The following NRXN3 variants were observed in gnomAD, a reference collection of about 807,000 sequenced individuals.
NRXN3 encodes neurexin 3.
NRXN3 carries 32 observed loss-of-function variants against 137.6 expected under a neutral mutation model. That is an observed-to-expected ratio of 0.23 (90% CI 0.18 to 0.31). NRXN3 has a LOEUF of 0.31. Ranked by LOEUF, NRXN3 falls within the 10% of genes least tolerant of loss-of-function variation. The pLI is 1.00. For missense variants in NRXN3, 1,574 were observed against 2,062.5 expected (o/e 0.76, Z 4.59); for synonymous variants, 798 against 784.5 (o/e 1.02, Z -0.29).
chr14:78,386,283 A>G (rs1357472923), intron 4 of NRXN3, among the ~76,000 whole-genome samples: 1 of 152,190 alleles, frequency 6.6e-6, no homozygotes, highest in East Asian at 1.9e-4. Context: ...GAGATAGATA[A>G]AGGCAAAGAA....
chr14:78,489,977 C>T (rs953512983), intron 4 of NRXN3, among the ~76,000 whole-genome samples: 1 of 151,404 alleles, frequency 6.6e-6, no homozygotes, highest in African/African-American at 2.4e-5. Context: ...TGCAGTGGCA[C>T]GATCTTGGCT....
chr14:78,795,693 C>G (rs1374487945), intron 8 of NRXN3, among the ~76,000 whole-genome samples: 1 of 152,020 alleles, frequency 6.6e-6, no homozygotes, highest in East Asian at 1.9e-4. Flanking sequence ...TTTTTAATAG[C>G]CAAAAATAGA....
chr14:79,636,725 TTGCATCCACACCGTCCTC>T (rs2098405688), intron 16 of NRXN3, among the ~76,000 whole-genome samples: 1 of 152,114 alleles, frequency 6.6e-6, no homozygotes, highest in South Asian at 2.1e-4. Flanking sequence ...TGGAGGGCAA[TTGCATCCACACCGTCCTC>T]TGCCCATCAC....
intron 3 of NRXN3, among the ~76,000 whole-genome samples, chr14:78,285,959 G>A (rs940550379): frequency 3.3e-5 from 5 of 152,162 alleles, no homozygotes; most frequent in Admixed American, 6.5e-5. Context: ...AGCTGTTCTC[G>A]ATGAGTAAGT....
chr14:79,431,200 GC>G (rs970627450), intron 15 of NRXN3, among the ~76,000 whole-genome samples: 34 of 152,250 alleles, frequency 2.2e-4, no homozygotes, highest in African/African-American at 7.9e-4. Flanking sequence ...TCTAAGAATG[GC>G]AAGTCTGAGA....
chr14:79,069,988 C>G (rs905276260), intron 15 of NRXN3, among the ~76,000 whole-genome samples: 8 of 152,078 alleles, frequency 5.3e-5, no homozygotes, highest in Non-Finnish European at 1.5e-5. Flanking sequence ...AACATTTTTC[C>G]TTTTTACCTT....
At chr14:79,549,015 G>T (rs1203351592) in intron 16 of NRXN3, among the ~76,000 whole-genome samples, 1 of 152,110 alleles carries the variant, frequency 6.6e-6, no homozygotes, top group African/African-American at 2.4e-5. Context: ...TGGGAGATTG[G>T]ATTCCACTGT....
chr14:78,669,862 T>G (rs941737883), intron 6 of NRXN3, among the ~76,000 whole-genome samples: 5 of 152,114 alleles, frequency 3.3e-5, no homozygotes, highest in African/African-American at 1.2e-4. Context: ...TTTATGTATT[T>G]ATTTATTTTT....
At chr14:79,013,580 T>G (rs1337368556) in intron 15 of NRXN3, among the ~76,000 whole-genome samples, 1 of 152,186 alleles carries the variant, frequency 6.6e-6, no homozygotes, top group African/African-American at 2.4e-5. Context: ...GTCACCTTGT[T>G]GATTATGAAA....
chr14:79,271,535 C>G (rs989851743), intron 15 of NRXN3, among the ~76,000 whole-genome samples: 3 of 134,932 alleles, frequency 2.2e-5, no homozygotes, highest in African/African-American at 8.2e-5. Context: ...TCTTCCCCTT[C>G]CCTTTCCCTG....
At chr14:78,704,445 G>T (rs2098324740) in intron 6 of NRXN3, among the ~76,000 whole-genome samples, 1 of 152,180 alleles carries the variant, frequency 6.6e-6, no homozygotes, top group South Asian at 2.1e-4. Flanking sequence ...GAATGCAGAA[G>T]CAATAACACC....
At chr14:78,538,352 G>A (rs749316242) in intron 4 of NRXN3, among the ~76,000 whole-genome samples, 3 of 152,114 alleles carry the variant, frequency 2.0e-5, no homozygotes, top group Non-Finnish European at 2.9e-5. Context: ...TGGATTCCTA[G>A]GTACTTTATT....
chr14:79,481,135 AT>A (rs34480702), intron 16 of NRXN3, among the ~76,000 whole-genome samples: 35,610 of 152,040 alleles, frequency 0.23, 4,737 homozygotes, highest in Admixed American at 0.35. Flanking sequence ...TGGTACTTAC[AT>A]TCTAGTGGGG....
chr14:79,371,407 T>A (rs1045695289), intron 15 of NRXN3, among the ~76,000 whole-genome samples: 12 of 150,810 alleles, frequency 8.0e-5, no homozygotes, highest in African/African-American at 2.9e-4. Flanking sequence ...CATATAATAT[T>A]TTTTTTTTGA....
chr14:79,160,575 C>T (rs2060667502), intron 15 of NRXN3, among the ~76,000 whole-genome samples: 1 of 151,892 alleles, frequency 6.6e-6, no homozygotes, highest in Non-Finnish European at 1.5e-5. Context: ...CTGTTCTTTG[C>T]ACATGTTCGT....
At chr14:79,440,148 A>G (rs374089012) in intron 15 of NRXN3, among the ~76,000 whole-genome samples, 14 of 152,218 alleles carry the variant, frequency 9.2e-5, no homozygotes, top group Admixed American at 6.5e-4. Flanking sequence ...CATTTACCCT[A>G]TGGAAGCTTA....
At chr14:78,548,514 A>T (rs1251517152) in intron 4 of NRXN3, among the ~76,000 whole-genome samples, 1 of 152,200 alleles carries the variant, frequency 6.6e-6, no homozygotes, top group Non-Finnish European at 1.5e-5. Context: ...TAAACTCCAC[A>T]TACTGTATGT....
intron 2 of NRXN3, among the ~76,000 whole-genome samples, chr14:78,250,291 T>C (rs539316742): frequency 6.6e-6 from 1 of 152,292 alleles, no homozygotes; most frequent in African/African-American, 2.4e-5. Flanking sequence ...TTTAATGAGA[T>C]AAAACATGAA....
chr14:78,672,159 C>T (rs1475997872), intron 6 of NRXN3, among the ~76,000 whole-genome samples: 3 of 152,218 alleles, frequency 2.0e-5, no homozygotes, highest in African/African-American at 7.2e-5. Context: ...GCAATTTGTA[C>T]TAAAGACTTT....
Sources: allele counts gnomAD v4.1 joint callset (sites outside exome capture counted in the v4.1 genomes callset), GRCh38; gene constraint gnomAD v4.1.1; transcripts MANE v1.5; gene names NCBI Gene and HGNC (gene_info 2026-07-23, HGNC 2026-07-21).